The following UBA6 variants were observed in gnomAD, a reference collection of about 807,000 sequenced individuals.
The protein encoded by UBA6 is ubiquitin-like modifier-activating enzyme 6.
A neutral mutation model predicts 148.3 loss-of-function variants in UBA6; 87 were observed. The ratio of observed to expected loss-of-function variants is 0.59; its 90% CI spans 0.49 to 0.70. UBA6 has a LOEUF of 0.70. Ranked by LOEUF, UBA6 falls within the 30% of genes least tolerant of loss-of-function variation. The pLI is 0.00. For synonymous variants in UBA6, 376 were observed against 401.0 expected, an observed-to-expected ratio of 0.94 and a Z score of 0.75; for missense variants, 1,186 against 1,241.2, an observed-to-expected ratio of 0.96 and a Z score of 0.67.
chr4:67,650,362 G>A (rs542095517), intron 13 of UBA6, among the ~76,000 whole-genome samples: 104 of 152,110 alleles, frequency 6.8e-4, no homozygotes, highest in Middle Eastern at 3.4e-3. Flanking sequence ...GATCTGGACC[G>A]AAAAAGTCCA....
chr4:67,635,579 TA>T, intron 19 of UBA6, 21 bp from the exon 20 acceptor site: 1 of 1,508,590 alleles, frequency 6.6e-7, no homozygotes, highest in Non-Finnish European at 9.2e-7. Flanking sequence ...AGACAGCAAG[TA>T]AAAAACAAAA....
chr4:67,655,081 CAAT>C (rs781621815), intron 13 of UBA6, among the ~76,000 whole-genome samples: 3 of 152,114 alleles, frequency 2.0e-5, no homozygotes, highest in Admixed American at 6.6e-5. Context: ...GACTCCCACA[CAAT>C]AATAATGGGA....
chr4:67,668,286 C>T (rs899143328), intron 9 of UBA6, among the ~76,000 whole-genome samples: 10 of 152,142 alleles, frequency 6.6e-5, no homozygotes, highest in Non-Finnish European at 1.2e-4. Context: ...CCAATGCAAC[C>T]TTCACATTTT....
chr4:67,636,754 C>T (rs563739589), intron 19 of UBA6, among the ~76,000 whole-genome samples: 2 of 152,358 alleles, frequency 1.3e-5, no homozygotes, highest in East Asian at 1.9e-4. Context: ...ACCTCCACCC[C>T]CCAGCCGCCT....
intron 7 of UBA6, among the ~76,000 whole-genome samples, chr4:67,671,984 C>T (rs371824612): frequency 2.0e-5 from 3 of 152,050 alleles, no homozygotes; most frequent in African/African-American, 7.2e-5. Context: ...GCCCCCACCC[C>T]ACCCCACCTT....
intron 15 of UBA6, 118 bp downstream of exon 15, chr4:67,646,606 G>C: frequency 2.9e-6 from 2 of 696,830 alleles, no homozygotes. Context: ...CCTAAGTAGA[G>C]AAAAAACAAC....
rs114757389 is a variant in UBA6 at position 67,680,899 on chromosome 4, G to T, written c.258+664C>A. On this transcript the variant is annotated intron_variant, in intron 4 of 32. Coordinates refer to ENST00000322244, the MANE Select transcript of UBA6 (RefSeq NM_018227.6). The stretch of plus-strand genomic sequence containing the variant: ...TGGTCAAGAGCCAGCAGGAACTGAG[G>T]TCCTCAGTTTAACAATACATGAAGA... Among the ~76,000 whole-genome samples, 374 of 152,304 alleles carry T rather than the reference G, an allele frequency of 2.5e-3. 3 individuals are homozygous for T. The highest frequency in any genetic ancestry group is 8.4e-3 in the African/African-American group (351 of 41,560).
At chr4:67,662,331 AT>A in intron 12 of UBA6, 76 bp from the exon 13 acceptor site, 2 of 1,286,774 alleles carry the variant, frequency 1.6e-6, no homozygotes, top group Non-Finnish European at 1.1e-6. Context: ...CAAAATTAAA[AT>A]TTAGGAAATA....
At chr4:67,664,279 T>C (rs1000343464) in intron 10 of UBA6, among the ~76,000 whole-genome samples, 1 of 151,964 alleles carries the variant, frequency 6.6e-6, no homozygotes. Flanking sequence ...ACTTATTAAA[T>C]TCTGTGTGAA....
chr4:67,661,821 T>TA (rs1314918093), intron 13 of UBA6: 11 of 275,952 alleles, frequency 4.0e-5, no homozygotes, highest in African/African-American at 2.2e-4. Context: ...GTATAATATA[T>TA]AAAACAGGTG....
chr4:67,669,250 T>G (rs955010671), intron 8 of UBA6, among the ~76,000 whole-genome samples: 2 of 152,192 alleles, frequency 1.3e-5, no homozygotes, highest in African/African-American at 2.4e-5. Context: ...AGGGACAAAC[T>G]AAAATCAACT....
At chr4:67,682,935 C>T (rs1420001368) in intron 2 of UBA6, among the ~76,000 whole-genome samples, 1 of 152,130 alleles carries the variant, frequency 6.6e-6, no homozygotes, top group Non-Finnish European at 1.5e-5. Flanking sequence ...AGAATTAACA[C>T]ATACATGTTT....
At chr4:67,622,758 A>G (rs972611021) in intron 32 of UBA6, 73 bp downstream of exon 32, 6 of 1,045,186 alleles carry the variant, frequency 5.7e-6, no homozygotes, top group African/African-American at 3.2e-5. Flanking sequence ...TAACCTCTAT[A>G]TTTAATTTTT....
At chr4:67,695,692 C>A (rs1458671328) in intron 2 of UBA6, among the ~76,000 whole-genome samples, 1 of 152,110 alleles carries the variant, frequency 6.6e-6, no homozygotes, top group Admixed American at 6.6e-5. Context: ...ATTCAGTTAA[C>A]CCTTATACAA....
At position 67,668,541 on chromosome 4, in the gene UBA6, A is replaced by G. The variant is rs1410018050; in HGVS notation, c.793+10T>C. Reference sequence around the variant, plus strand: ...AAGTATAAATGAATTAATAAAACACATTGACTTACCCGTTATTTGTTGTAT... The same window carrying G: ...AAGTATAAATGAATTAATAAAACACGTTGACTTACCCGTTATTTGTTGTAT... On this transcript the variant is annotated intron_variant, in intron 9 of 32. Coordinates refer to ENST00000322244, the MANE Select transcript of UBA6 (RefSeq NM_018227.6). 4 of 1,606,002 alleles carry G rather than the reference A, an allele frequency of 2.5e-6. No homozygotes were observed. Among genetic ancestry groups the G allele is most frequent in the African/African-American group, 2.7e-5 (2 of 74,556 alleles).
chr4:67,642,528 C>T (rs943198154), intron 17 of UBA6, among the ~76,000 whole-genome samples: 16 of 152,004 alleles, frequency 1.1e-4, no homozygotes, highest in Non-Finnish European at 2.4e-4. Context: ...CCCACACAAC[C>T]TAACATCTTT....
At chr4:67,673,416 G>GAA (rs1730198083) in intron 7 of UBA6, among the ~76,000 whole-genome samples, 1 of 133,824 alleles carries the variant, frequency 7.5e-6, no homozygotes. Context: ...ACTCTGTCTC[G>GAA]GGAAAAAAAA....
At chr4:67,662,605 C>T (rs188576045) in intron 12 of UBA6, 5 of 201,606 alleles carry the variant, frequency 2.5e-5, no homozygotes, top group South Asian at 1.4e-4. Context: ...CTGGGATTAC[C>T]GGCATGCACC....
At chr4:67,699,610 T>C (rs568781849) in intron 1 of UBA6, among the ~76,000 whole-genome samples, 6 of 151,498 alleles carry the variant, frequency 4.0e-5, no homozygotes, top group African/African-American at 1.5e-4. Context: ...GTTTCTTTTC[T>C]TTTTTTTTGA....
Sources: gnomAD v4.1 joint callset for allele counts (sites outside exome capture counted in the v4.1 genomes callset) on GRCh38, gnomAD v4.1.1 for gene constraint, MANE v1.5 for transcripts, NCBI Gene and HGNC (gene_info 2026-07-23, HGNC 2026-07-21) for gene names.